The following ABCC5 variants were observed in gnomAD, a reference collection of about 807,000 sequenced individuals.
The protein encoded by ABCC5 is ATP-binding cassette sub-family C member 5.
In ABCC5, 61 loss-of-function variants were observed where a neutral mutation model predicts 160.9. The observed-to-expected ratio is 0.38, with a 90% CI of 0.31 to 0.47. The LOEUF is 0.47. Ranked by LOEUF, ABCC5 falls within the 20% of genes least tolerant of loss-of-function variation. The pLI, the probability that ABCC5 is intolerant of heterozygous loss-of-function variation, is 0.99. For missense variants in ABCC5, 1,308 were observed against 1,813.3 expected (o/e 0.72, Z 5.06); for synonymous variants, 666 against 700.6 (o/e 0.95, Z 0.78).
At chr3:183,952,144 C>CTT (rs34905378) in intron 18 of ABCC5, 141 bp from the exon 19 acceptor site, 2,047 of 372,520 alleles carry the variant, frequency 5.5e-3, no homozygotes, top group South Asian at 8.0e-3. Flanking sequence ...TTGTCCACCT[C>CTT]TTTTTTTTTT....
At chr3:184,014,894 C>A (rs907569137) in intron 1 of ABCC5, among the ~76,000 whole-genome samples, 1 of 152,076 alleles carries the variant, frequency 6.6e-6, no homozygotes, top group African/African-American at 2.4e-5. Flanking sequence ...ACTTACCAAA[C>A]ACTTATTCTA....
chr3:184,013,168 G>T (rs1721897265), intron 2 of ABCC5, among the ~76,000 whole-genome samples: 1 of 152,150 alleles, frequency 6.6e-6, no homozygotes, highest in Non-Finnish European at 1.5e-5. Context: ...CTTAACTTAT[G>T]AATTCGCTTG....
chr3:183,953,038 C>T (rs767908808), intron 18 of ABCC5, 48 bp downstream of exon 18: 7 of 1,540,718 alleles, frequency 4.5e-6, no homozygotes, highest in East Asian at 2.3e-5. Flanking sequence ...TAGGGAGAAA[C>T]GGCCACATTC....
chr3:183,988,560 A>G lies in ABCC5; in HGVS notation c.443+12T>C. 6.2e-7 allele frequency: 1 copy of G among 1,608,788 alleles called. No individual in the cohort carries two copies. The highest frequency in any genetic ancestry group is 1.1e-5 in the South Asian group (1 of 90,268). ...GGCATGGGGGAGATGAGGGTGGACC[A>G]GAGGCGCCTACCTTCTGCAGTTCAC... On this transcript the variant is annotated intron_variant, in intron 4 of 29. Coordinates refer to ENST00000334444, the MANE Select transcript of ABCC5 (RefSeq NM_005688.4). The surrounding 1 kb of genome is among the most constrained non-coding windows in gnomAD (Gnocchi z 4.4).
intron 2 of ABCC5, among the ~76,000 whole-genome samples, chr3:184,008,854 CTT>C (rs1161647766): frequency 2.0e-5 from 3 of 151,172 alleles, no homozygotes; most frequent in Admixed American, 1.3e-4. Context: ...TCTTTTCTTT[CTT>C]TCTTTATTTT....
Position 183,953,287 on chromosome 3 carries a change from G to C in ABCC5, c.2483-17C>G. On this transcript the variant is annotated splice_polypyrimidine_tract_variant and intron_variant, in intron 17 of 29. Transcript: ENST00000334444. ...CAAGCTGCCCTAGGTAAGAAAAAAA[G>C]AAACATGGACTCAGAAGGGAAGAAC... The C allele has an allele frequency of 6.3e-7, 1 of 1,582,156 alleles. No individual in the cohort carries two copies.
Position 183,947,402 on chromosome 3 carries a change from G to C in ABCC5, c.3336C>G (p.Thr1112=), listed in dbSNP as rs28365020. The change falls in exon 23 of 30, where the codon ACC becomes ACG. Residue 1112 remains threonine (T), a synonymous_variant. Transcript: ENST00000334444. Reference sequence around the variant, plus strand: ...GCATAAGAACGATCATCAGCCCCGTGGTGGTGATGAGGGCGATGCTGATGA... The same window carrying C: ...GCATAAGAACGATCATCAGCCCCGTCGTGGTGATGAGGGCGATGCTGATGA... ...LDLISIALIT[T]TGLMIVLMHG... 523 of 1,613,894 alleles carry C rather than the reference G, an allele frequency of 3.2e-4. 3 individuals are homozygous for C. The African/African-American group carries it at 5.7e-3, about 17-fold the overall frequency.
intron 1 of ABCC5, among the ~76,000 whole-genome samples, chr3:184,015,821 C>T (rs1722145451): frequency 6.6e-6 from 1 of 152,206 alleles, no homozygotes; most frequent in African/African-American, 2.4e-5. Flanking sequence ...CTGGCATCTG[C>T]CAGTGTCCCC....
At chr3:183,945,627 A>C (rs902330893) in intron 24 of ABCC5, among the ~76,000 whole-genome samples, 2 of 152,268 alleles carry the variant, frequency 1.3e-5, no homozygotes, top group Non-Finnish European at 1.5e-5. Context: ...TCTGGAAATT[A>C]GCCAATGAAG....
Position 183,982,798 on chromosome 3 carries a change from G to A in ABCC5, c.801C>T (p.Asn267=), listed in dbSNP as rs760611197. 2.5e-5 allele frequency: 41 copies of A among 1,614,092 alleles called. No individual in the cohort carries two copies. Among genetic ancestry groups the A allele is most frequent in the Admixed American group, 1.7e-4 (10 of 60,008 alleles). The change falls in exon 6 of 30, where the codon AAC becomes AAT. Residue 267 remains asparagine (N), a synonymous_variant. Coordinates refer to ENST00000334444, the MANE Select transcript of ABCC5 (RefSeq NM_005688.4). The surrounding 1 kb of genome is among the most constrained non-coding windows in gnomAD (Gnocchi z 5.2). ...CCTCACCCAGGGATTTCTCTTTAATGTTCTTTAACTTAAGGATCTTCTTAA... is the reference window on the plus strand; with the variant it reads ...CCTCACCCAGGGATTTCTCTTTAATATTCTTTAACTTAAGGATCTTCTTAA... ...MAFKKILKLK[N]IKEKSLGELI...
chr3:183,982,738 T>C lies in ABCC5; in HGVS notation c.825+36A>G, dbSNP rs188264261. ...GAGGAATGAACCTCAAGCTAGGAAGTTGCTCTCTGCTGTGAAGCAAACACC... is the reference window on the plus strand; with the variant it reads ...GAGGAATGAACCTCAAGCTAGGAAGCTGCTCTCTGCTGTGAAGCAAACACC... On this transcript the variant is annotated intron_variant, in intron 6 of 29. Transcript: ENST00000334444. The surrounding 1 kb of genome is among the most constrained non-coding windows in gnomAD (Gnocchi z 5.2). 274 of 1,610,796 alleles carry C rather than the reference T, an allele frequency of 1.7e-4. 1 individual carries two copies. The African/African-American group carries it at 3.3e-3, about 19-fold the overall frequency.
intron 2 of ABCC5, among the ~76,000 whole-genome samples, chr3:184,002,227 G>A (rs377405431): frequency 1.3e-5 from 2 of 151,740 alleles, no homozygotes; most frequent in Non-Finnish European, 2.9e-5. Flanking sequence ...GTGAAATCCC[G>A]GTCTCTACTA....
At position 183,961,771 on chromosome 3, in the gene ABCC5, G is replaced by A. The variant is rs551228755; in HGVS notation, c.2236-117C>T. 1.4e-3 allele frequency: 1,820 copies of A among 1,298,972 alleles called. 1 individual carries two copies. Among genetic ancestry groups the A allele is most frequent in the Middle Eastern group, 2.1e-3 (11 of 5,242 alleles). 80.5% of individuals were successfully genotyped at this position (1,298,972 alleles called of 1,614,324 possible). A position where few individuals can be genotyped will look rare whatever the true frequency, so the allele number is the denominator to read the frequency against. On this transcript the variant is annotated intron_variant, in intron 15 of 29. Transcript: ENST00000334444. Reference sequence around the variant, plus strand: ...GAGTTAAGCTCCCAGAAGACATTTGGCAGCATCTGGAGACATTTTTTTTTT... The same window carrying A: ...GAGTTAAGCTCCCAGAAGACATTTGACAGCATCTGGAGACATTTTTTTTTT...
chr3:183,961,688 G>C, intron 15 of ABCC5, 34 bp from the exon 16 acceptor site: 9 of 1,612,384 alleles, frequency 5.6e-6, no homozygotes, highest in Non-Finnish European at 7.6e-6. Flanking sequence ...ACAATATGCT[G>C]TTTGTGCAAA....
chr3:183,969,281 A>C (rs906895957), intron 11 of ABCC5, among the ~76,000 whole-genome samples: 1 of 152,220 alleles, frequency 6.6e-6, no homozygotes, highest in Non-Finnish European at 1.5e-5. Context: ...CATACAAAGC[A>C]AAAGAATACA....
At position 183,951,519 on chromosome 3, in the gene ABCC5, G is replaced by C. The variant is rs975692997; in HGVS notation, c.2866C>G (p.Leu956Val). The C allele has an allele frequency of 6.2e-7, 1 of 1,614,120 alleles. No homozygotes were observed. Among genetic ancestry groups the C allele is most frequent in the African/African-American group, 1.3e-5 (1 of 74,932 alleles). ...TCAAAAAACTTCATAGGGCTTCGAA[G>C]GATCCTTCGGAAAAGCTCGTCATGC... is the stretch of plus-strand genomic sequence containing the variant. ...RLHDELFRRI[L>V]RSPMKFFDTT... The change falls in exon 20 of 30, where the codon CTT becomes GTT. Residue 956 changes from leucine (L) to valine (V), a missense_variant. Coordinates refer to ENST00000334444, the MANE Select transcript of ABCC5 (RefSeq NM_005688.4). The surrounding 1 kb of genome is among the most constrained non-coding windows in gnomAD (Gnocchi z 4.7).
intron 26 of ABCC5, among the ~76,000 whole-genome samples, chr3:183,930,770 C>T (rs1020345371): frequency 1.3e-5 from 2 of 152,172 alleles, no homozygotes; most frequent in African/African-American, 4.8e-5. Context: ...CCAAATGACA[C>T]TTTGATTTTA....
chr3:183,983,116 G>T, intron 5 of ABCC5, 109 bp from the exon 6 acceptor site: 2 of 1,071,206 alleles, frequency 1.9e-6, no homozygotes, highest in Non-Finnish European at 2.7e-6. Flanking sequence ...AGGGACCAGT[G>T]CGCAAGCAAA....
chr3:183,993,828 T>C (rs1315674783), intron 2 of ABCC5, among the ~76,000 whole-genome samples: 1 of 152,202 alleles, frequency 6.6e-6, no homozygotes. Context: ...TTGCCACTAT[T>C]TCCAAAATAC....
Sources: gnomAD v4.1 joint callset for allele counts (sites outside exome capture counted in the v4.1 genomes callset) on GRCh38, gnomAD v4.1.1 for gene constraint, Gnocchi (gnomAD v3.1) non-coding constraint, MANE v1.5 for transcripts, NCBI Gene and HGNC (gene_info 2026-07-23, HGNC 2026-07-21) for gene names.